The following ERC2 variants were observed in gnomAD, a reference collection of about 807,000 sequenced individuals.
ERC2 encodes ERC protein 2.
ERC2 carries 42 observed loss-of-function variants against 114.8 expected under a neutral mutation model. That is an observed-to-expected ratio of 0.37 (90% CI 0.29 to 0.47). ERC2 has a LOEUF of 0.47. ERC2 is among the 20% of genes least tolerant of loss of function. The probability of loss-of-function intolerance (pLI) is 0.99; values close to 1 mark genes in which losing one functional copy is unlikely to be tolerated. For missense variants in ERC2, 939 were observed against 1,150.7 expected (o/e 0.82, Z 2.66); for synonymous variants, 454 against 425.5 (o/e 1.07, Z -0.82).
At chr3:56,041,609 C>A (rs899138777) in intron 7 of ERC2, among the ~76,000 whole-genome samples, 3 of 152,164 alleles carry the variant, frequency 2.0e-5, no homozygotes, top group African/African-American at 7.2e-5. Context: ...TCCTCTCTCA[C>A]TTTCTCCTTC....
intron 10 of ERC2, among the ~76,000 whole-genome samples, chr3:55,997,880 G>GTTTTTTTTTTT (rs869077498): frequency 2.2e-5 from 1 of 44,788 alleles, no homozygotes; most frequent in Non-Finnish European, 4.0e-5. Context: ...TCTTAATTCT[G>GTTTTTTTTTTT]TTTTTTTTTT....
At chr3:56,081,704 CT>C (rs1251974381) in intron 6 of ERC2, among the ~76,000 whole-genome samples, 1 of 151,428 alleles carries the variant, frequency 6.6e-6, no homozygotes, top group African/African-American at 2.4e-5. Flanking sequence ...ATTTAACATT[CT>C]GAAGCCCATG....
In ERC2 at chr3:55,771,234, A is replaced by G. The variant is rs1221642099; in HGVS notation, c.2565-36316T>C. 2.0e-5 allele frequency among the ~76,000 whole-genome samples: 3 copies of G among 152,198 alleles called. No individual in the cohort carries two copies. In the South Asian group the frequency reaches 6.2e-4, roughly 32 times the overall value. Reference sequence around the variant, plus strand: ...AGGAATCACCACACTGTCTTCCACAATGGTTGAACTCATTTACACTCCCAC... The same window carrying G: ...AGGAATCACCACACTGTCTTCCACAGTGGTTGAACTCATTTACACTCCCAC... On this transcript the variant is annotated intron_variant, in intron 14 of 17. Coordinates refer to ENST00000288221, the MANE Select transcript of ERC2 (RefSeq NM_015576.3).
intron 1 of ERC2, among the ~76,000 whole-genome samples, chr3:56,458,902 G>C (rs1261295302): frequency 6.6e-6 from 1 of 152,178 alleles, no homozygotes; most frequent in Admixed American, 6.5e-5. Context: ...AACCACGACT[G>C]CTCCTCGAGG....
intron 14 of ERC2, among the ~76,000 whole-genome samples, chr3:55,740,368 T>C (rs2065903435): frequency 6.6e-6 from 1 of 152,156 alleles, no homozygotes; most frequent in South Asian, 2.1e-4. Context: ...TGTTTTGCTT[T>C]TGGCTAACAA....
At chr3:56,206,514 A>G (rs180940334) in intron 3 of ERC2, among the ~76,000 whole-genome samples, 44 of 152,320 alleles carry the variant, frequency 2.9e-4, no homozygotes, top group Non-Finnish European at 2.1e-4. Context: ...TTCAGGATGC[A>G]TTGATAACTA....
intron 14 of ERC2, among the ~76,000 whole-genome samples, chr3:55,771,078 C>T (rs1003679677): frequency 6.6e-6 from 1 of 152,160 alleles, no homozygotes; most frequent in Non-Finnish European, 1.5e-5. Context: ...CAAGTCTTTG[C>T]TATTGTAAAT....
At chr3:56,407,680 C>T (rs1337959680) in intron 2 of ERC2, among the ~76,000 whole-genome samples, 2 of 152,120 alleles carry the variant, frequency 1.3e-5, no homozygotes, top group African/African-American at 4.8e-5. Context: ...GCAGTAATTT[C>T]CACCCTGACT....
rs185529076 is a variant in ERC2 at position 55,890,680 on chromosome 3, T to A, written c.2404-2131A>T. ...GAAACTGGGCACCTGGGAGACACAA[T>A]ACAGAGTTGTAACTGATGGAGAAGC... On this transcript the variant is annotated intron_variant, in intron 13 of 17. Transcript: ENST00000288221. Among the ~76,000 whole-genome samples the A allele has an allele frequency of 3.4e-3, 520 of 152,302 alleles. 4 individuals carry two copies. Among genetic ancestry groups the A allele is most frequent in the African/African-American group, 0.012 (488 of 41,584 alleles).
chr3:55,770,891 C>A (rs553808039), intron 14 of ERC2, among the ~76,000 whole-genome samples: 1 of 151,304 alleles, frequency 6.6e-6, no homozygotes, highest in Non-Finnish European at 1.5e-5. Flanking sequence ...TGAGAACATG[C>A]GGTGTTTGGT....
intron 14 of ERC2, among the ~76,000 whole-genome samples, chr3:55,806,239 G>A (rs1242478253): frequency 2.0e-5 from 3 of 151,672 alleles, no homozygotes; most frequent in African/African-American, 7.3e-5. Context: ...GGAGGCTGAA[G>A]CAGAAGAATT....
At chr3:56,101,659 C>T (rs543518166) in intron 6 of ERC2, among the ~76,000 whole-genome samples, 12 of 152,168 alleles carry the variant, frequency 7.9e-5, no homozygotes, top group Non-Finnish European at 1.8e-4. Context: ...ATGTAAGTGG[C>T]AGACAAATGG....
chr3:56,032,925 A>AGAGAGAG (rs1560056386), intron 7 of ERC2, among the ~76,000 whole-genome samples: 3 of 86,050 alleles, frequency 3.5e-5, no homozygotes, highest in Non-Finnish European at 5.2e-5. Flanking sequence ...GAAAGAAAGA[A>AGAGAGAG]AGAAAGAAAG....
chr3:55,829,470 A>C (rs890683597), intron 14 of ERC2, among the ~76,000 whole-genome samples: 6 of 152,218 alleles, frequency 3.9e-5, no homozygotes, highest in Non-Finnish European at 7.3e-5. Flanking sequence ...GTGGAGAAAA[A>C]AATTAACAAA....
intron 3 of ERC2, among the ~76,000 whole-genome samples, chr3:56,215,820 G>A (rs903090199): frequency 2.0e-5 from 3 of 152,128 alleles, no homozygotes; most frequent in African/African-American, 7.2e-5. Flanking sequence ...AATCAAACTA[G>A]AACTCAGGAT....
At chr3:55,918,977 C>T (rs548990250) in intron 13 of ERC2, among the ~76,000 whole-genome samples, 22 of 152,136 alleles carry the variant, frequency 1.4e-4, no homozygotes, top group Admixed American at 2.6e-4. Flanking sequence ...TATTCTCATA[C>T]GTTTTCTCAA....
chr3:56,407,768 G>A (rs957346630), intron 2 of ERC2, among the ~76,000 whole-genome samples: 3 of 152,100 alleles, frequency 2.0e-5, no homozygotes, highest in South Asian at 2.1e-4. Flanking sequence ...CAGAATCTCT[G>A]ATGATGGGCC....
At chr3:56,129,349 G>T (rs1285483862) in intron 6 of ERC2, among the ~76,000 whole-genome samples, 2 of 152,282 alleles carry the variant, frequency 1.3e-5, no homozygotes, top group Admixed American at 6.5e-5. Context: ...GACAAACGTG[G>T]ATCCAGTGTC....
intron 3 of ERC2, among the ~76,000 whole-genome samples, chr3:56,264,072 T>C (rs2053128580): frequency 6.6e-6 from 1 of 152,158 alleles, no homozygotes; most frequent in African/African-American, 2.4e-5. Flanking sequence ...TCTCAATATA[T>C]GCACAAAAAG....
Sources: gnomAD v4.1 joint callset for allele counts (sites outside exome capture counted in the v4.1 genomes callset) on GRCh38, gnomAD v4.1.1 for gene constraint, MANE v1.5 for transcripts, NCBI Gene and HGNC (gene_info 2026-07-23, HGNC 2026-07-21) for gene names.